The following EPB41L4A variants were observed in gnomAD, a reference collection of about 807,000 sequenced individuals.
EPB41L4A encodes band 4.1-like protein 4A.
Under a neutral mutation model 108.6 loss-of-function variants are expected in EPB41L4A, and 100 were observed. That is an observed-to-expected ratio of 0.92 (90% CI 0.78 to 1.09). EPB41L4A has a LOEUF of 1.09. Ranked by LOEUF, EPB41L4A falls within the 50% of genes least tolerant of loss-of-function variation. The pLI is 0.00. For synonymous variants in EPB41L4A, 319 were observed against 289.0 expected, an observed-to-expected ratio of 1.10 and a Z score of -1.05; for missense variants, 1,030 against 842.7, an observed-to-expected ratio of 1.22 and a Z score of -2.75.
At chr5:112,329,457 C>T (rs996499686) in intron 1 of EPB41L4A, among the ~76,000 whole-genome samples, 13 of 152,164 alleles carry the variant, frequency 8.5e-5, no homozygotes, top group African/African-American at 3.1e-4. Flanking sequence ...CCTATTTAGT[C>T]CTGGCTCTGC....
downstream of EPB41L4A, among the ~76,000 whole-genome samples, chr5:112,160,296 G>A (rs1407967525): frequency 6.6e-6 from 1 of 151,994 alleles, no homozygotes; most frequent in African/African-American, 2.4e-5. Context: ...CTACCCTATG[G>A]CATGACCCTC....
At chr5:112,419,294 G>A, upstream of EPB41L4A, 1 of 369,924 alleles carries the variant, frequency 2.7e-6, no homozygotes, top group Non-Finnish European at 4.9e-6. Flanking sequence ...GGAGGGCGGT[G>A]GCGCGTCCCC....
exon 14 of EPB41L4A, chr5:112,143,052 A>C (rs1401594475): frequency 6.6e-6 from 1 of 152,182 alleles, no homozygotes; most frequent in African/African-American, 2.4e-5. Flanking sequence ...TTGTGTGCCC[A>C]GGTGACCAAA....
At position 112,204,473 on chromosome 5, in the gene EPB41L4A, A is replaced by G; in HGVS notation, c.1278T>C (p.Ser426=). ...ENGPQSGLYN[S]PSDRTKSPKF... The stretch of plus-strand genomic sequence containing the variant: ...TTGGCGACTTAGTGCGATCACTGGG[A>G]GAATTGTAGAGTCCACTGGAGAGAA... The change falls in exon 15 of 23, where the codon TCT becomes TCC. Residue 426 remains serine (S), a synonymous_variant. Transcript: ENST00000261486. 6.2e-7 allele frequency: 1 copy of G among 1,611,868 alleles called. No homozygotes were observed.
At chr5:112,348,259 G>A (rs1757815176) in intron 1 of EPB41L4A, among the ~76,000 whole-genome samples, 1 of 152,062 alleles carries the variant, frequency 6.6e-6, no homozygotes, top group Admixed American at 6.5e-5. Context: ...CTCCACCTTT[G>A]TCCATTTACC....
intron 18 of EPB41L4A, among the ~76,000 whole-genome samples, chr5:112,178,345 T>C (rs188411526): frequency 6.6e-5 from 10 of 152,146 alleles, no homozygotes; most frequent in African/African-American, 2.2e-4. Context: ...AACAGACAAA[T>C]TGACAATCAC....
chr5:112,354,140 G>A (rs1162770694), intron 1 of EPB41L4A, among the ~76,000 whole-genome samples: 2 of 152,180 alleles, frequency 1.3e-5, no homozygotes, highest in African/African-American at 2.4e-5. Flanking sequence ...TAACCCCACA[G>A]GGGCTATTCT....
chr5:112,193,562 A>C (rs1761812944), intron 17 of EPB41L4A, among the ~76,000 whole-genome samples: 1 of 152,312 alleles, frequency 6.6e-6, no homozygotes, highest in East Asian at 1.9e-4. Context: ...TGGCCTCCCA[A>C]AGTGCTGGGA....
chr5:112,273,967 T>C (rs983918945), intron 4 of EPB41L4A, among the ~76,000 whole-genome samples: 1 of 152,068 alleles, frequency 6.6e-6, no homozygotes, highest in African/African-American at 2.4e-5. Flanking sequence ...TAATGAACAA[T>C]GTGAATGCAG....
chr5:112,188,499 A>G (rs1761532745), intron 17 of EPB41L4A, among the ~76,000 whole-genome samples: 1 of 152,182 alleles, frequency 6.6e-6, no homozygotes, highest in South Asian at 2.1e-4. Context: ...GTAATGTAAC[A>G]GCATTCCTCA....
At chr5:112,253,996 G>T (rs4279380) in intron 9 of EPB41L4A, among the ~76,000 whole-genome samples, 1 of 152,136 alleles carries the variant, frequency 6.6e-6, no homozygotes, top group Non-Finnish European at 1.5e-5. Flanking sequence ...AAAGCAAGCC[G>T]GAGAGTTCTG....
chr5:112,359,489 C>G (rs2150754173), intron 1 of EPB41L4A, among the ~76,000 whole-genome samples: 1 of 151,860 alleles, frequency 6.6e-6, no homozygotes, highest in South Asian at 2.1e-4. Flanking sequence ...TATGAAAAAA[C>G]TCACTTCCTG....
intron 20 of EPB41L4A, 134 bp downstream of exon 20, chr5:112,170,167 C>G: frequency 2.5e-6 from 2 of 798,696 alleles, no homozygotes; most frequent in Non-Finnish European, 4.0e-6. Context: ...CTTCCTCTTT[C>G]GCTACTGTCA....
At chr5:112,285,841 ATG>A (rs1431579393) in intron 2 of EPB41L4A, among the ~76,000 whole-genome samples, 5 of 152,184 alleles carry the variant, frequency 3.3e-5, no homozygotes, top group African/African-American at 1.2e-4. Context: ...AGGACTCTAC[ATG>A]TGTTTACTCT....
At chr5:112,159,426 G>A (rs1002761747), downstream of EPB41L4A, among the ~76,000 whole-genome samples, 1 of 152,268 alleles carries the variant, frequency 6.6e-6, no homozygotes, top group East Asian at 1.9e-4. Context: ...TCCCTTCAAG[G>A]AGTTATGGTT....
chr5:112,380,110 G>A (rs1341333072), intron 1 of EPB41L4A, among the ~76,000 whole-genome samples: 2 of 152,130 alleles, frequency 1.3e-5, no homozygotes, highest in Non-Finnish European at 2.9e-5. Context: ...GGAGAGCTTA[G>A]CCCTACTCCC....
At chr5:112,209,433 C>T (rs1248971668) in intron 13 of EPB41L4A, among the ~76,000 whole-genome samples, 3 of 152,226 alleles carry the variant, frequency 2.0e-5, no homozygotes, top group African/African-American at 7.2e-5. Flanking sequence ...AGTCTTCATA[C>T]ATATGCAATC....
intron 2 of EPB41L4A, among the ~76,000 whole-genome samples, chr5:112,282,441 C>G (rs372626383): frequency 2.6e-5 from 4 of 152,184 alleles, no homozygotes; most frequent in Admixed American, 6.5e-5. Flanking sequence ...CCACTGCTGC[C>G]GTAACAAATT....
intron 1 of EPB41L4A, among the ~76,000 whole-genome samples, chr5:112,346,597 A>G (rs1262168821): frequency 6.6e-6 from 1 of 152,198 alleles, no homozygotes; most frequent in Non-Finnish European, 1.5e-5. Flanking sequence ...AAAAACTGAC[A>G]GAAGTCAAAC....
Sources: gnomAD v4.1 joint callset for allele counts (sites outside exome capture counted in the v4.1 genomes callset) on GRCh38, gnomAD v4.1.1 for gene constraint, MANE v1.5 for transcripts, NCBI Gene and HGNC (gene_info 2026-07-23, HGNC 2026-07-21) for gene names.